Variants in MUC6 observed in about 807,000 individuals in gnomAD.
MUC6 encodes the protein mucin 6, oligomeric mucus/gel-forming (gene/pseudogene).
MUC6 carries 188 observed loss-of-function variants against 201.5 expected under a neutral mutation model. That is an observed-to-expected ratio of 0.93 (90% CI 0.83 to 1.05). The LOEUF (loss-of-function observed/expected upper bound fraction) is 1.05. Ranked by LOEUF, MUC6 falls within the 50% of genes least tolerant of loss-of-function variation. MUC6 has a pLI of 0.00. For synonymous variants in MUC6, 1,228 were observed against 1,389.4 expected (o/e 0.88, Z 2.58); for missense variants, 2,706 against 3,256.9 (o/e 0.83, Z 4.12).
Position 1,030,218 on chromosome 11 carries a change from G to A in MUC6, c.1010C>T (p.Pro337Leu), listed in dbSNP as rs531413800. 37 of 1,550,656 alleles carry A rather than the reference G, an allele frequency of 2.4e-5. 2 individuals carry two copies. The South Asian group carries it at 3.3e-4, about 14-fold the overall frequency. The stretch of plus-strand genomic sequence containing the variant: ...GTGCCTGCGACTGCCCTCACCTTCC[G>A]GGCAGAAGCACCCGAAGGTGCAGGA... ...SSSCTFGCFCPEGTVLNDLSN... is the reference protein window; with the variant it reads ...SSSCTFGCFCLEGTVLNDLSN... The change falls in exon 8 of 33, where the codon CCG becomes CTG. Residue 337 changes from proline to leucine, a missense_variant. Coordinates refer to ENST00000421673, the MANE Select transcript of MUC6 (RefSeq NM_005961.3).
chr11:1,020,409 C>A (rs1001715915), intron 28 of MUC6, among the ~76,000 whole-genome samples, 152 bp from the exon 29 acceptor site: 1 of 152,184 alleles, frequency 6.6e-6, no homozygotes, highest in Non-Finnish European at 1.5e-5. Context: ...CTGAGTGCAG[C>A]CTGGCTCCTG....
At chr11:1,021,368 C>CA (rs914561598) in intron 26 of MUC6, 91 bp from the exon 27 acceptor site, 1 of 405,342 alleles carries the variant, frequency 2.5e-6, no homozygotes, top group African/African-American at 2.4e-5. Flanking sequence ...TTCCTCTCTG[C>CA]TTTTTTTTTT....
Position 1,016,111 on chromosome 11 carries a change from A to C in MUC6, c.6690T>G (p.Thr2230=). ...TGGATGGGGTGGGAGACACGGTAAC[A>C]GTGGATATGGGGAGTAGAGCAGAGA... is the stretch of plus-strand genomic sequence containing the variant. ...FTLSALLPIS[T]VTVSPTPSSH... The change falls in exon 31 of 33, where the codon ACT becomes ACG. Residue 2230 remains threonine (T), a synonymous_variant. Transcript: ENST00000421673. 2 of 1,613,410 alleles carry C rather than the reference A, an allele frequency of 1.2e-6. No individual in the cohort carries two copies. The highest frequency in any genetic ancestry group is 1.7e-6 in the Non-Finnish European group (2 of 1,179,616).
At chr11:1,023,350 G>A (rs532550885) in intron 26 of MUC6, among the ~76,000 whole-genome samples, 159 bp downstream of exon 26, 1 of 148,358 alleles carries the variant, frequency 6.7e-6, no homozygotes, top group South Asian at 2.1e-4. Context: ...GTGAATGTGC[G>A]TGAGTGTGTG....
intron 26 of MUC6, 85 bp from the exon 27 acceptor site, chr11:1,021,362 T>G: frequency 1.5e-6 from 1 of 652,964 alleles, no homozygotes; most frequent in Non-Finnish European, 2.3e-6. Context: ...GCCTCCTTCC[T>G]CTCTGCTTTT....
rs1281027298 is a variant in MUC6, at chr11:1,025,871, C to T, written c.2733G>A (p.Leu911=). Residue 911 remains leucine, a synonymous_variant, in exon 22 of 33, where the codon CTG becomes CTA. Transcript: ENST00000421673. ...VNDSQPTFKI[L]TENVICGNSG... ...AGTTCCCACAGATGACGTTCTCTGT[C>T]AGGATCTTGAAGGTGGGCTGTGAGT... The T allele has an allele frequency of 6.2e-7, 1 of 1,612,860 alleles. No individual in the cohort carries two copies. Among genetic ancestry groups the T allele is most frequent in the East Asian group, 2.2e-5 (1 of 44,858 alleles).
At chr11:1,026,883 C>A in intron 19 of MUC6, 58 bp downstream of exon 19, 2 of 1,445,498 alleles carry the variant, frequency 1.4e-6, no homozygotes, top group Non-Finnish European at 1.9e-6. Context: ...CTGTGGAAAC[C>A]CCCTCATGGT....
At chr11:1,035,546 G>T (rs1857197319) in intron 1 of MUC6, among the ~76,000 whole-genome samples, 1 of 151,316 alleles carries the variant, frequency 6.6e-6, no homozygotes, top group East Asian at 2.0e-4. Flanking sequence ...TTGAAGGGTG[G>T]TGCCCGGCGT....
Position 1,026,154 on chromosome 11 carries a change from C to G in MUC6, c.2547-13G>C. 1 of 1,587,562 alleles carries G rather than the reference C, an allele frequency of 6.3e-7. No homozygotes were observed. The highest frequency in any genetic ancestry group is 8.6e-7 in the Non-Finnish European group (1 of 1,168,292). On this transcript the variant is annotated splice_polypyrimidine_tract_variant and intron_variant, in intron 20 of 32. Coordinates refer to ENST00000421673, the MANE Select transcript of MUC6 (RefSeq NM_005961.3). The stretch of plus-strand genomic sequence containing the variant: ...CCTTGAGCAGGAGCTGTGGAGACAG[C>G]AGGTGTGGGTGGTGGGCCTGCGGCC...
rs1297878239 is a variant in MUC6, at chr11:1,027,018, A to G, written c.2317T>C (p.Cys773Arg). 6 of 1,602,302 alleles carry G rather than the reference A, an allele frequency of 3.7e-6. No homozygotes were observed. The highest frequency in any genetic ancestry group is 8.5e-7 in the Non-Finnish European group (1 of 1,175,376). ...SCQAPKTFKS[C>R]SQSSENKFGA... The stretch of plus-strand genomic sequence containing the variant: ...AACTTGTTCTCGGAGGACTGGCTGC[A>G]GGACTTGAAGGTCTTAGGGGCCTGG... The change falls in exon 19 of 33, where the codon TGC (cysteine) becomes CGC (arginine). Residue 773 changes from cysteine (C) to arginine (R), a missense_variant. Cys to Arg is a radical substitution (Grantham distance 180). Around this residue, in one of 10 missense-constraint regions of MUC6, gnomAD observed 1,850 missense variants for 1,958.3 expected, o/e 0.94. Transcript: ENST00000421673.
chr11:1,030,966 T>G lies in MUC6; in HGVS notation c.665A>C (p.His222Pro). 6.3e-7 allele frequency: 1 copy of G among 1,581,416 alleles called. No homozygotes were observed. Among genetic ancestry groups the G allele is most frequent in the Non-Finnish European group, 8.6e-7 (1 of 1,164,278 alleles). Residue 222 changes from histidine to proline, a missense_variant, in exon 6 of 33, where the codon CAC (histidine) becomes CCC (proline). His to Pro is a moderately conservative substitution (Grantham distance 77). Around this residue, in one of 10 missense-constraint regions of MUC6, gnomAD observed 1,850 missense variants for 1,958.3 expected, o/e 0.94. Coordinates refer to ENST00000421673, the MANE Select transcript of MUC6 (RefSeq NM_005961.3). Reference sequence around the variant, plus strand: ...GCTTACGTGCTGGGCCTGCCGGACGTGGGTGCTGGGGATGTCCTGGAAGGT... The same window carrying G: ...GCTTACGTGCTGGGCCTGCCGGACGGGGGTGCTGGGGATGTCCTGGAAGGT... ...ICTFQDIPST[H>P]VRQAQHARIC...
At position 1,023,574 on chromosome 11, in the gene MUC6, G is replaced by A. The variant is rs757656480; in HGVS notation, c.3461C>T (p.Thr1154Met). The stretch of plus-strand genomic sequence containing the variant: ...GCAGAGGCAGGGCTGGTAGTGCCAC[G>A]TGCAGTTGGCCTCCTGTGTGTACTG... ...EYQYTQEANC[T>M]WHYQPCLCPS... is the part of the protein sequence containing the mutation. The change falls in exon 26 of 33, where the codon ACG becomes ATG. Residue 1154 changes from threonine to methionine, a missense_variant. Thr to Met is a moderately conservative substitution (Grantham distance 81, BLOSUM62 -1). This residue lies in a region of MUC6 where 1,850 missense variants were observed against 1,958.3 expected (regional missense o/e 0.94). Coordinates refer to ENST00000421673, the MANE Select transcript of MUC6 (RefSeq NM_005961.3). 1.9e-5 allele frequency: 31 copies of A among 1,611,014 alleles called. No individual in the cohort carries two copies. The highest frequency in any genetic ancestry group is 2.7e-5 in the African/African-American group (2 of 74,894).
chr11:1,026,904 C>T lies in MUC6; in HGVS notation c.2394+37G>A, dbSNP rs189028365. On this transcript the variant is annotated intron_variant, in intron 19 of 32. Coordinates refer to ENST00000421673, the MANE Select transcript of MUC6 (RefSeq NM_005961.3). ...AAACCCCCTCATGGTTCAGCTGGGG[C>T]CCGGGCATTGTCCCTGCTCCTCGCG... is the stretch of plus-strand genomic sequence containing the variant. 1,461 of 1,505,674 alleles carry T rather than the reference C, an allele frequency of 9.7e-4. 17 individuals are homozygous for T. The East Asian group carries it at 0.026, about 27-fold the overall frequency. 93.3% of individuals were successfully genotyped at this position (1,505,674 alleles called of 1,614,324 possible).
chr11:1,036,504 T>G (rs1191895288), intron 1 of MUC6, 100 bp downstream of exon 1: 3 of 1,356,960 alleles, frequency 2.2e-6, no homozygotes, highest in Non-Finnish European at 3.0e-6. Context: ...AGCGTCCATG[T>G]GGGCCAGCCG....
In MUC6 at chr11:1,031,714, T is replaced by C. The variant is rs749995499; in HGVS notation, c.376A>G (p.Thr126Ala). 46 of 1,550,600 alleles carry C rather than the reference T, an allele frequency of 3.0e-5. No individual in the cohort carries two copies. The South Asian group carries it at 5.4e-4, about 18-fold the overall frequency. ...KDIGVISLPY[T>A]SNGLQITPFG... ...GGTGTGATCTGGAGTCCATTGCTGGTATAGGGCAGGCTGATGACCCTGTGG... is the reference window on the plus strand; with the variant it reads ...GGTGTGATCTGGAGTCCATTGCTGGCATAGGGCAGGCTGATGACCCTGTGG... The change falls in exon 4 of 33, where the codon ACC becomes GCC. Residue 126 changes from threonine (T) to alanine (A), a missense_variant. By Grantham distance (58) the Thr-to-Ala change is moderately conservative. Coordinates refer to ENST00000421673, the MANE Select transcript of MUC6 (RefSeq NM_005961.3).
intron 29 of MUC6, 59 bp downstream of exon 29, chr11:1,020,031 G>GGT (rs1259376312): frequency 6.4e-7 from 1 of 1,573,370 alleles, no homozygotes; most frequent in East Asian, 2.3e-5. Flanking sequence ...CCACCCCAGA[G>GGT]GTGTACCTAG....
At chr11:1,030,067 TC>T in intron 8 of MUC6, 145 bp downstream of exon 8, 1 of 1,094,836 alleles carries the variant, frequency 9.1e-7, no homozygotes, top group Non-Finnish European at 1.3e-6. Flanking sequence ...GAAAAGCCTG[TC>T]CCAGGGCAAG....
rs1490045459 is a variant in MUC6 at position 1,033,669 on chromosome 11, G to T, written c.53-594C>A. Among the ~76,000 whole-genome samples, 1 of 152,046 alleles carries T rather than the reference G, an allele frequency of 6.6e-6. No homozygotes were observed. Among genetic ancestry groups the T allele is most frequent in the East Asian group, 1.9e-4 (1 of 5,192 alleles). On this transcript the variant is annotated intron_variant, in intron 1 of 32. Coordinates refer to ENST00000421673, the MANE Select transcript of MUC6 (RefSeq NM_005961.3). The surrounding 1 kb of genome is among the most constrained non-coding windows in gnomAD (Gnocchi z 5.6). The stretch of plus-strand genomic sequence containing the variant: ...AGATAGCCCAGTCACGGTGACTCCA[G>T]GGCAGGGCAGCGGGGGACGTCCCAC...
chr11:1,012,898 G>T lies in MUC6; in HGVS notation c.*558C>A. The T allele has an allele frequency of 6.5e-6, 1 of 154,890 alleles. No homozygotes were observed. Among genetic ancestry groups the T allele is most frequent in the Non-Finnish European group, 1.4e-5 (1 of 69,690 alleles). 9.6% of individuals were successfully genotyped at this position (154,890 alleles called of 1,614,324 possible). A position where few individuals can be genotyped will look rare whatever the true frequency, so the allele number is the denominator to read the frequency against. ...CTCCCAAGGACAGGCTGCTGGGGATGGGTGTGGTGCTGGTGGGGGCCTTCT... is the reference window on the plus strand; with the variant it reads ...CTCCCAAGGACAGGCTGCTGGGGATTGGTGTGGTGCTGGTGGGGGCCTTCT... On this transcript the variant is annotated 3_prime_UTR_variant, in exon 33 of 33. Transcript: ENST00000421673.
Sources: allele counts gnomAD v4.1 joint callset (sites outside exome capture counted in the v4.1 genomes callset), GRCh38; gene constraint gnomAD v4.1.1; regional missense constraint gnomAD v4.1.1; non-coding constraint Gnocchi (gnomAD v3.1); transcripts MANE v1.5; gene names NCBI Gene and HGNC (gene_info 2026-07-23, HGNC 2026-07-21).